Variants in NTM observed in about 807,000 individuals in gnomAD.
NTM encodes IgLON family member 2.
In NTM, 13 loss-of-function variants were observed where a neutral mutation model predicts 42.1. That is an observed-to-expected ratio of 0.31 (90% CI 0.20 to 0.49). The LOEUF is 0.49. Ranked by LOEUF, NTM falls within the 20% of genes least tolerant of loss-of-function variation. The pLI is 0.99. For missense variants in NTM, 373 were observed against 452.8 expected, an observed-to-expected ratio of 0.82 and a Z score of 1.60; for synonymous variants, 187 against 179.2, an observed-to-expected ratio of 1.04 and a Z score of -0.35.
chr11:131,873,678 C>T (rs1006517409), intron 1 of NTM, among the ~76,000 whole-genome samples: 4 of 110,912 alleles, frequency 3.6e-5, no homozygotes, highest in Non-Finnish European at 4.0e-5. Flanking sequence ...TATATATATA[C>T]ACACATATAT....
chr11:131,906,126 T>C (rs2053818787), intron 1 of NTM, among the ~76,000 whole-genome samples: 1 of 152,190 alleles, frequency 6.6e-6, no homozygotes, highest in Non-Finnish European at 1.5e-5. Context: ...ACACAGTTCC[T>C]GGTACACACA....
chr11:132,161,713 C>G (rs576474768), intron 3 of NTM, among the ~76,000 whole-genome samples: 1 of 152,156 alleles, frequency 6.6e-6, no homozygotes, highest in East Asian at 1.9e-4. Flanking sequence ...CTTTCTTCCC[C>G]GTGCGCAGCC....
At chr11:131,776,431 C>T (rs189857889) in intron 1 of NTM, among the ~76,000 whole-genome samples, 2 of 152,310 alleles carry the variant, frequency 1.3e-5, no homozygotes, top group African/African-American at 4.8e-5. Flanking sequence ...GAAGCACGGG[C>T]TCAGTAGGCA....
chr11:132,064,100 A>G (rs546636438), intron 2 of NTM, among the ~76,000 whole-genome samples: 119 of 152,310 alleles, frequency 7.8e-4, no homozygotes, highest in African/African-American at 2.6e-3. Context: ...GCAGAAAAGC[A>G]CAAGAAGGGG....
At chr11:131,599,736 C>T (rs182440360) in intron 1 of NTM, among the ~76,000 whole-genome samples, 12 of 152,228 alleles carry the variant, frequency 7.9e-5, no homozygotes, top group Non-Finnish European at 1.8e-4. Context: ...ACAGGGCACC[C>T]CAGAAGCACA....
chr11:131,903,599 G>C (rs796709353), intron 1 of NTM, among the ~76,000 whole-genome samples: 1 of 152,200 alleles, frequency 6.6e-6, no homozygotes. Context: ...GGGAAGAATG[G>C]AAGGCCATAT....
chr11:132,296,480 T>C (rs1328750133), intron 4 of NTM, among the ~76,000 whole-genome samples: 1 of 152,192 alleles, frequency 6.6e-6, no homozygotes, highest in Non-Finnish European at 1.5e-5. Context: ...TCATATAATT[T>C]TCAGACCCAA....
At chr11:132,319,087 C>G (rs1042093862) in intron 7 of NTM, among the ~76,000 whole-genome samples, 1 of 152,200 alleles carries the variant, frequency 6.6e-6, no homozygotes, top group African/African-American at 2.4e-5. Flanking sequence ...CTCCATGTGA[C>G]TGTATTCACA....
chr11:131,768,905 A>G (rs1312691459), intron 1 of NTM, among the ~76,000 whole-genome samples: 1 of 152,184 alleles, frequency 6.6e-6, no homozygotes, highest in African/African-American at 2.4e-5. Context: ...TGCCCTAGAC[A>G]TTTTTGTATT....
At chr11:131,728,294 T>A (rs190360448) in intron 1 of NTM, among the ~76,000 whole-genome samples, 4 of 152,344 alleles carry the variant, frequency 2.6e-5, no homozygotes, top group Admixed American at 2.0e-4. Flanking sequence ...CTGACCAACC[T>A]GCTACAAATC....
intron 1 of NTM, among the ~76,000 whole-genome samples, chr11:131,782,105 C>T (rs117175326): frequency 0.018 from 2,784 of 152,082 alleles, 49 homozygotes; most frequent in South Asian, 0.024. Context: ...TACAGGAAAA[C>T]GTTTATTATT....
intron 1 of NTM, chr11:131,794,815 T>C (rs546534245): frequency 3.0e-6 from 3 of 985,434 alleles, no homozygotes; most frequent in African/African-American, 1.7e-5. Flanking sequence ...ACCTAGATTA[T>C]GCTACATTAA....
At chr11:131,814,160 G>A (rs1485931040) in intron 1 of NTM, among the ~76,000 whole-genome samples, 1 of 152,136 alleles carries the variant, frequency 6.6e-6, no homozygotes, top group African/African-American at 2.4e-5. Flanking sequence ...TGCTCCCATT[G>A]CAGTAAATCA....
intron 2 of NTM, among the ~76,000 whole-genome samples, chr11:132,055,480 A>G (rs1025150880): frequency 6.6e-6 from 1 of 152,216 alleles, no homozygotes; most frequent in Non-Finnish European, 1.5e-5. Flanking sequence ...ATTAGAGTAG[A>G]GGAAAAACAG....
chr11:132,286,516 GC>G (rs200788377), intron 4 of NTM, among the ~76,000 whole-genome samples: 3 of 151,290 alleles, frequency 2.0e-5, no homozygotes, highest in Non-Finnish European at 4.4e-5. Context: ...TTGCCTGTCC[GC>G]CCCCCCCACC....
intron 1 of NTM, among the ~76,000 whole-genome samples, chr11:131,492,114 T>C (rs112115737): frequency 0.011 from 1,604 of 152,248 alleles, 32 homozygotes; most frequent in African/African-American, 0.036. Flanking sequence ...GTCCATCTGC[T>C]CCAGAGGCTG....
At chr11:131,886,099 C>T (rs1425748722) in intron 1 of NTM, among the ~76,000 whole-genome samples, 1 of 152,168 alleles carries the variant, frequency 6.6e-6, no homozygotes, top group African/African-American at 2.4e-5. Context: ...TTCAACCTTG[C>T]CGTTCTCTGA....
In NTM at chr11:131,856,149, G is replaced by A. The variant is rs574838975; in HGVS notation, c.83-55415G>A. 1.6e-3 allele frequency among the ~76,000 whole-genome samples: 204 copies of A among 127,714 alleles called. 1 individual carries two copies. Among genetic ancestry groups the A allele is most frequent in the African/African-American group, 6.0e-3 (189 of 31,684 alleles). The allele number at this position is 127,714 out of a possible 152,430, so 83.8% of individuals were successfully genotyped here. A position where few individuals can be genotyped will look rare whatever the true frequency, so the allele number is the denominator to read the frequency against. ...AATAAAGTGAGAATCTTACAGCCAC[G>A]GTCTTAGTTTCCTCATCATCCTTTC... is the stretch of plus-strand genomic sequence containing the variant. On this transcript the variant is annotated intron_variant, in intron 1 of 8. Transcript: ENST00000683400.
Position 132,146,597 on chromosome 11 carries a change from C to G in NTM, c.400+83C>G. 1.4e-6 allele frequency: 2 copies of G among 1,418,010 alleles called. No individual in the cohort carries two copies. The highest frequency in any genetic ancestry group is 1.9e-6 in the Non-Finnish European group (2 of 1,034,222). The allele number at this position is 1,418,010 out of a possible 1,614,324, so 87.8% of individuals were successfully genotyped here. A position where few individuals can be genotyped will look rare whatever the true frequency, so the allele number is the denominator to read the frequency against. ...TAAAGGTTTGTTCTCTGATCCTCAA[C>G]AGAGATGAGTTATCCTTATTCTACG... On this transcript the variant is annotated intron_variant, in intron 3 of 8. Coordinates refer to ENST00000683400, the MANE Select transcript of NTM (RefSeq NM_001352005.2). The surrounding 1 kb of genome is among the most constrained non-coding windows in gnomAD (Gnocchi z 4.5).
Sources: allele counts gnomAD v4.1 joint callset (sites outside exome capture counted in the v4.1 genomes callset), GRCh38; gene constraint gnomAD v4.1.1; non-coding constraint Gnocchi (gnomAD v3.1); transcripts MANE v1.5; gene names NCBI Gene and HGNC (gene_info 2026-07-23, HGNC 2026-07-21).